The following KCNJ12 variants were observed in gnomAD, a reference collection of about 807,000 sequenced individuals.
KCNJ12 encodes the protein ATP-sensitive inward rectifier potassium channel 12.
A neutral mutation model predicts 22.3 loss-of-function variants in KCNJ12; 2 were observed. That is an observed-to-expected ratio of 0.09 (90% CI 0.04 to 0.28). KCNJ12 has a LOEUF of 0.28. KCNJ12 is among the 10% of genes least tolerant of loss of function. KCNJ12 has a pLI of 1.00. For missense variants in KCNJ12, 155 were observed against 633.3 expected (o/e 0.24, Z 8.11); for synonymous variants, 117 against 261.4 (o/e 0.45, Z 5.33).
At chr17:21,396,255 T>A (rs1267837227) in intron 1 of KCNJ12, among the ~76,000 whole-genome samples, 2 of 152,032 alleles carry the variant, frequency 1.3e-5, no homozygotes, top group South Asian at 2.1e-4. Context: ...CCTTGAGAAA[T>A]CCTCAGCTAA....
chr17:21,387,981 C>T (rs1905119781), intron 1 of KCNJ12, among the ~76,000 whole-genome samples: 1 of 152,152 alleles, frequency 6.6e-6, no homozygotes, highest in Admixed American at 6.5e-5. Flanking sequence ...TCCCTTCCTT[C>T]CACTCCTCCC....
At chr17:21,406,019 G>T (rs111602154) in intron 1 of KCNJ12, among the ~76,000 whole-genome samples, 6 of 152,288 alleles carry the variant, frequency 3.9e-5, no homozygotes, top group Non-Finnish European at 5.9e-5. Context: ...GAGGTTGGGA[G>T]AGCCTGCTGC....
At chr17:21,383,155 G>A (rs1438091398) in intron 1 of KCNJ12, among the ~76,000 whole-genome samples, 2 of 152,234 alleles carry the variant, frequency 1.3e-5, no homozygotes, top group East Asian at 3.9e-4. Flanking sequence ...GAGGTCAAGG[G>A]GGATGGAGTG....
At chr17:21,412,422 T>G (rs1246224993) in intron 2 of KCNJ12, among the ~76,000 whole-genome samples, 17 of 152,310 alleles carry the variant, frequency 1.1e-4, no homozygotes, top group African/African-American at 3.9e-4. Context: ...TTCTTGTGAT[T>G]CTGTTCCTTG....
intron 2 of KCNJ12, among the ~76,000 whole-genome samples, chr17:21,409,156 T>A (rs1277650455): frequency 6.6e-6 from 1 of 152,300 alleles, no homozygotes; most frequent in Non-Finnish European, 1.5e-5. Context: ...CTGGGCAAGA[T>A]CAACTCTCAC....
At chr17:21,389,679 T>G (rs1228663302) in intron 1 of KCNJ12, among the ~76,000 whole-genome samples, 1 of 152,092 alleles carries the variant, frequency 6.6e-6, no homozygotes, top group Non-Finnish European at 1.5e-5. Context: ...CAGGGACGGT[T>G]TCCTGGGGAA....
chr17:21,418,234 C>T lies in KCNJ12; in HGVS notation c.*1590C>T, dbSNP rs1433199523. 3 of 167,064 alleles carry T rather than the reference C, an allele frequency of 1.8e-5. No homozygotes were observed. The Admixed American group carries it at 2.0e-4, about 11-fold the overall frequency. 10.3% of individuals were successfully genotyped at this position (167,064 alleles called of 1,614,324 possible). A position where few individuals can be genotyped will look rare whatever the true frequency, so the allele number is the denominator to read the frequency against. ...AACCTGCTCTCTTCTAGTCGGGCTTCTCCAGAAGCCAGTAATCAGAAAGGA... is the reference window on the plus strand; with the variant it reads ...AACCTGCTCTCTTCTAGTCGGGCTTTTCCAGAAGCCAGTAATCAGAAAGGA... On this transcript the variant is annotated 3_prime_UTR_variant, in exon 3 of 3. Coordinates refer to ENST00000583088, the MANE Select transcript of KCNJ12 (RefSeq NM_021012.5).
rs781993303 is a variant in KCNJ12 at position 21,415,580 on chromosome 17, T to C, written c.238T>C (p.Trp80Arg). The change falls in exon 3 of 3, where the codon TGG (tryptophan) becomes CGG (arginine). Residue 80 changes from tryptophan (W) to arginine (R), a missense_variant. Trp to Arg is a moderately radical substitution (Grantham distance 101). Coordinates refer to ENST00000583088, the MANE Select transcript of KCNJ12 (RefSeq NM_021012.5). ...GTTCACCACCTGTGTGGACATCCGC[T>C]GGCGGTACATGCTGCTCATCTTCTC... The part of the protein sequence containing the change: ...DMFTTCVDIR[W>R]RYMLLIFSLA... 8.1e-6 allele frequency: 13 copies of C among 1,613,972 alleles called. No individual in the cohort carries two copies. The South Asian group carries it at 1.3e-4, about 16-fold the overall frequency.
In KCNJ12 at chr17:21,382,920, A is replaced by G. The variant is rs183436498; in HGVS notation, c.-179+6007A>G. Among the ~76,000 whole-genome samples, 17 of 152,108 alleles carry G rather than the reference A, an allele frequency of 1.1e-4. No individual in the cohort carries two copies. The East Asian group carries it at 3.3e-3, about 30-fold the overall frequency. On this transcript the variant is annotated intron_variant, in intron 1 of 2. Transcript: ENST00000583088. ...GGTGTACAGGAGGGTGCGACGTGAC[A>G]CCTCCACTGTGGGAGCGGGCAGCCT...
chr17:21,412,545 G>A (rs112974785), intron 2 of KCNJ12, among the ~76,000 whole-genome samples: 1 of 152,306 alleles, frequency 6.6e-6, no homozygotes, highest in African/African-American at 2.4e-5. Context: ...CCTCACGCCG[G>A]CGTCTGAGTG....
At chr17:21,393,557 C>A (rs1434533670) in intron 1 of KCNJ12, among the ~76,000 whole-genome samples, 1 of 152,216 alleles carries the variant, frequency 6.6e-6, no homozygotes, top group Non-Finnish European at 1.5e-5. Flanking sequence ...GCCTCAGACC[C>A]CCCCGTGCGG....
intron 1 of KCNJ12, among the ~76,000 whole-genome samples, chr17:21,398,207 C>T (rs149801936): frequency 7.2e-5 from 11 of 152,232 alleles, no homozygotes; most frequent in Non-Finnish European, 1.0e-4. Flanking sequence ...ATGGATTCAT[C>T]GTTTGAGGAA....
At chr17:21,412,735 C>T (rs1291948656) in intron 2 of KCNJ12, among the ~76,000 whole-genome samples, 12 of 152,308 alleles carry the variant, frequency 7.9e-5, no homozygotes, top group Non-Finnish European at 1.6e-4. Context: ...GGTGGTCAGC[C>T]ACAGCGGTGT....
intron 1 of KCNJ12, among the ~76,000 whole-genome samples, chr17:21,399,080 C>T (rs1279034339): frequency 2.0e-5 from 3 of 152,226 alleles, no homozygotes; most frequent in Admixed American, 6.5e-5. Flanking sequence ...CTACCCACCC[C>T]AAGCCCTGCA....
intron 2 of KCNJ12, among the ~76,000 whole-genome samples, chr17:21,411,483 G>A (rs1906346106): frequency 6.6e-6 from 1 of 152,288 alleles, no homozygotes; most frequent in Non-Finnish European, 1.5e-5. Flanking sequence ...CTCAGGTAGT[G>A]TACCCCAGCG....
chr17:21,407,705 A>G (rs1294087770), intron 1 of KCNJ12, among the ~76,000 whole-genome samples: 2 of 151,712 alleles, frequency 1.3e-5, no homozygotes, highest in African/African-American at 2.4e-5. Flanking sequence ...CCAATCATCT[A>G]CTTTCACACT....
intron 1 of KCNJ12, among the ~76,000 whole-genome samples, chr17:21,396,582 T>C (rs11654970): frequency 0.061 from 9,337 of 151,930 alleles, 689 homozygotes; most frequent in African/African-American, 0.18. Context: ...CAGGAGCCAG[T>C]GGTTATGGGA....
intron 2 of KCNJ12, 124 bp from the exon 3 acceptor site, chr17:21,415,163 C>T (rs1187102440): frequency 6.6e-6 from 7 of 1,062,664 alleles, no homozygotes; most frequent in Non-Finnish European, 9.5e-6. Flanking sequence ...TGGGCAAGAC[C>T]AGAGCACGAT....
intron 1 of KCNJ12, among the ~76,000 whole-genome samples, chr17:21,389,095 G>T (rs1555559033): frequency 6.6e-6 from 1 of 152,184 alleles, no homozygotes; most frequent in Non-Finnish European, 1.5e-5. Flanking sequence ...CATTTAAACT[G>T]CAGTTGTGCG....
Sources: allele counts gnomAD v4.1 joint callset (sites outside exome capture counted in the v4.1 genomes callset), GRCh38; gene constraint gnomAD v4.1.1; transcripts MANE v1.5; gene names NCBI Gene and HGNC (gene_info 2026-07-23, HGNC 2026-07-21).